Variants in RNF14 observed in about 807,000 individuals in gnomAD.
RNF14 encodes ring finger protein 14.
A neutral mutation model predicts 52.6 loss-of-function variants in RNF14; 26 were observed. The observed-to-expected ratio is 0.49, with a 90% CI of 0.36 to 0.69. The LOEUF is 0.69. Ranked by LOEUF, RNF14 falls within the 30% of genes least tolerant of loss-of-function variation. The probability of loss-of-function intolerance (pLI) is 0.00; values close to 1 mark genes in which losing one functional copy is unlikely to be tolerated. For synonymous variants in RNF14, 194 were observed against 202.0 expected (o/e 0.96, Z 0.34); for missense variants, 404 against 560.4 (o/e 0.72, Z 2.82).
the RNF14 span, among the ~76,000 whole-genome samples, chr5:141,950,593 T>G: frequency 6.6e-6 from 1 of 151,934 alleles, no homozygotes. Flanking sequence ...CCCCATAGAT[T>G]AAGAGATAAA....
chr5:141,955,177 CCAGCCAGCCTCCCTGTGGGG>C, upstream of RNF14: 1 of 1,614,178 alleles, frequency 6.2e-7, no homozygotes, highest in Non-Finnish European at 8.5e-7. The surrounding 1 kb of genome is among the most constrained non-coding windows in gnomAD (Gnocchi z 5.5). Flanking sequence ...GCCCTGGTCT[CCAGCCAGCCTCCCTGTGGGG>C]CTGCCTGCAA....
At chr5:141,970,913 T>A (rs1357354783) in intron 2 of RNF14, 36 bp downstream of exon 2, 1 of 152,346 alleles carries the variant, frequency 6.6e-6, no homozygotes, top group Non-Finnish European at 1.5e-5. Flanking sequence ...TGTAATTGTG[T>A]CTTAGATAGG....
upstream of RNF14, chr5:141,955,041 C>G: frequency 6.2e-7 from 1 of 1,614,234 alleles, no homozygotes; most frequent in Non-Finnish European, 8.5e-7. The surrounding 1 kb of genome is among the most constrained non-coding windows in gnomAD (Gnocchi z 5.5). Flanking sequence ...CCACAGACAG[C>G]CGGACCAGGC....
upstream of RNF14, chr5:141,955,447 G>T (rs775992998): frequency 1.2e-6 from 2 of 1,613,960 alleles, no homozygotes; most frequent in South Asian, 1.1e-5. This position sits in a 1 kb window ranked among gnomAD's most constrained non-coding sequence, Gnocchi z 5.5. Flanking sequence ...TTCCATCATC[G>T]CCTCCTTGTC....
At chr5:141,971,566 TCTTTCTTTCTTTCTTTC>T (rs1561544459) in intron 2 of RNF14, among the ~76,000 whole-genome samples, 1 of 140,044 alleles carries the variant, frequency 7.1e-6, no homozygotes. Context: ...AATTTCTTTT[TCTTTCTTTCTTTCTTTC>T]TTTCTTTCTT....
At position 141,978,491 on chromosome 5, in the gene RNF14, A is replaced by G; in HGVS notation, c.495A>G (p.Thr165=). 1.2e-6 allele frequency: 2 copies of G among 1,614,210 alleles called. No homozygotes were observed. The highest frequency in any genetic ancestry group is 2.2e-5 in the South Asian group (2 of 91,086). Residue 165 remains threonine (T), a synonymous_variant, in exon 5 of 9, where the codon ACA becomes ACG. Transcript: ENST00000394520. ...GGACAGCTCAAGCTTCTCCCAACAC[A>G]GAGCTAGATTTTGGAGGAGCTGCTG... ...QRRTAQASPN[T]ELDFGGAAGS... is the part of the protein sequence containing the mutation.
At chr5:141,962,689 T>C (rs565938827), upstream of RNF14, among the ~76,000 whole-genome samples, 2 of 152,202 alleles carry the variant, frequency 1.3e-5, no homozygotes, top group African/African-American at 4.8e-5. Flanking sequence ...ATTATAGACC[T>C]CCTTCATGAT....
At chr5:141,966,749 C>T (rs891001319), upstream of RNF14, 2 of 152,302 alleles carry the variant, frequency 1.3e-5, no homozygotes, top group East Asian at 3.8e-4. Context: ...TTGAAATTCT[C>T]TTTCTATTCT....
At position 141,989,481 on chromosome 5, in the gene RNF14, C is replaced by G. The variant is rs1290816293; in HGVS notation, c.*1691C>G. The G allele has an allele frequency of 2.0e-5, 3 of 152,218 alleles. No individual in the cohort carries two copies. Among genetic ancestry groups the G allele is most frequent in the Non-Finnish European group, 4.4e-5 (3 of 68,086 alleles). The allele number at this position is 152,218 out of a possible 1,614,324, so 9.4% of individuals were successfully genotyped here. A position where few individuals can be genotyped will look rare whatever the true frequency, so the allele number is the denominator to read the frequency against. ...GGCCTAGGCGGGCGGATCACGAGGT[C>G]AGGAGTTCGAGACCATCATGGCTAA... On this transcript the variant is annotated 3_prime_UTR_variant, in exon 9 of 9. Coordinates refer to ENST00000394520, the MANE Select transcript of RNF14 (RefSeq NM_004290.5).
chr5:141,949,906 T>C, the RNF14 span, among the ~76,000 whole-genome samples: 3 of 152,210 alleles, frequency 2.0e-5, no homozygotes, highest in Non-Finnish European at 2.9e-5. Flanking sequence ...TTCATTGATA[T>C]CATTCTCGTT....
In RNF14 at chr5:141,978,799, C is replaced by G; in HGVS notation, c.803C>G (p.Pro268Arg). The G allele has an allele frequency of 6.2e-7, 1 of 1,613,910 alleles. No homozygotes were observed. The highest frequency in any genetic ancestry group is 8.5e-7 in the Non-Finnish European group (1 of 1,179,820). ...GQVQCLNCPE[P>R]KCPSVATPGQ... ...GTTCAATGCCTCAACTGCCCAGAAC[C>G]AAAGTGCCCTTCGGTGGCCACTCCT... The change falls in exon 5 of 9, where the codon CCA becomes CGA. Residue 268 changes from proline to arginine, a missense_variant. Transcript: ENST00000394520.
rs201857998 is a variant in RNF14, at chr5:141,984,101, C to CTT, written c.1236+566_1236+567dup. Among the ~76,000 whole-genome samples, 945 of 136,640 alleles carry CTT rather than the reference C, an allele frequency of 6.9e-3. 11 individuals carry two copies. Among genetic ancestry groups the CTT allele is most frequent in the African/African-American group, 0.021 (785 of 37,054 alleles). 89.6% of individuals were successfully genotyped at this position (136,640 alleles called of 152,430 possible). ...AGGAAACTAGGACTATATGTAATCA[C>CTT]TTTTTTTTTTTTTTTTTTGATACTG... On this transcript the variant is annotated intron_variant, in intron 7 of 8. Coordinates refer to ENST00000394520, the MANE Select transcript of RNF14 (RefSeq NM_004290.5).
upstream of RNF14, chr5:141,955,815 G>C: frequency 6.2e-7 from 1 of 1,613,916 alleles, no homozygotes; most frequent in Non-Finnish European, 8.5e-7. This position sits in a 1 kb window ranked among gnomAD's most constrained non-coding sequence, Gnocchi z 5.5. Context: ...GGCTTCCCTG[G>C]TCCTCTACTA....
the RNF14 span, chr5:141,952,894 C>G: frequency 6.6e-6 from 1 of 152,238 alleles, no homozygotes; most frequent in Non-Finnish European, 1.5e-5. Flanking sequence ...TCCACCATGC[C>G]CCTCTGTGCA....
At chr5:141,968,021 T>TAAAC (rs1753414102), upstream of RNF14, among the ~76,000 whole-genome samples, 2 of 152,214 alleles carry the variant, frequency 1.3e-5, no homozygotes, top group African/African-American at 4.8e-5. Context: ...CCTGCCTTAG[T>TAAAC]TTCTGGCAAC....
chr5:141,956,673 C>T (rs373057407), upstream of RNF14: 15 of 1,614,124 alleles, frequency 9.3e-6, no homozygotes, highest in Non-Finnish European at 1.2e-5. Context: ...GCTCTTGGCT[C>T]AGCCAGCAGT....
chr5:141,982,183 C>T (rs1754847878), intron 6 of RNF14, among the ~76,000 whole-genome samples: 1 of 152,110 alleles, frequency 6.6e-6, no homozygotes, highest in Non-Finnish European at 1.5e-5. Context: ...GAATCTCTCC[C>T]TCTCTTTGTA....
At position 141,973,813 on chromosome 5, in the gene RNF14, C is replaced by A. The variant is rs1026978167; in HGVS notation, c.154+71C>A. Reference sequence around the variant, plus strand: ...TCTTAGTGTACCTTAAACTATTTGTCATTTTGTGTTTTAGGCATTAGTGAT... The same window carrying A: ...TCTTAGTGTACCTTAAACTATTTGTAATTTTGTGTTTTAGGCATTAGTGAT... On this transcript the variant is annotated intron_variant, in intron 3 of 8. Coordinates refer to ENST00000394520, the MANE Select transcript of RNF14 (RefSeq NM_004290.5). 15 of 1,345,392 alleles carry A rather than the reference C, an allele frequency of 1.1e-5. No individual in the cohort carries two copies. The Admixed American group carries it at 3.3e-4, about 30-fold the overall frequency. The allele number at this position is 1,345,392 out of a possible 1,614,324, so 83.3% of individuals were successfully genotyped here.
Position 141,961,823 on chromosome 5 carries a change from C to T in RNF14, c.-181+3398C>T, listed in dbSNP as rs889738201. 1.9e-4 allele frequency among the ~76,000 whole-genome samples: 29 copies of T among 152,290 alleles called. 1 individual carries two copies. The highest frequency in any genetic ancestry group is 6.0e-4 in the African/African-American group (25 of 41,568). On this transcript the variant is annotated intron_variant, in intron 1 of 4. Transcript: ENST00000506822. Reference sequence around the variant, plus strand: ...GAGGGGTCAGACTAGTAAGGTGTGACTCTGACCCTTGGAGGACTCCCAGGC... The same window carrying T: ...GAGGGGTCAGACTAGTAAGGTGTGATTCTGACCCTTGGAGGACTCCCAGGC...
Sources: gnomAD v4.1 joint callset for allele counts (sites outside exome capture counted in the v4.1 genomes callset) on GRCh38, gnomAD v4.1.1 for gene constraint, Gnocchi (gnomAD v3.1) non-coding constraint, MANE v1.5 for transcripts, NCBI Gene and HGNC (gene_info 2026-07-23, HGNC 2026-07-21) for gene names.